LRRC69: variants seen among roughly 807,000 people sequenced by gnomAD.
LRRC69 encodes the protein leucine rich repeat containing 69, also known as leucine-rich repeat-containing protein 69.
Under a neutral mutation model 37.8 loss-of-function variants are expected in LRRC69, and 42 were observed. That is an observed-to-expected ratio of 1.11 (90% CI 0.87 to 1.44). The LOEUF is 1.44. Ranked by LOEUF, LRRC69 falls within the 40% of genes most tolerant of loss-of-function variation. The probability of loss-of-function intolerance (pLI) is 0.00; values close to 1 mark genes in which losing one functional copy is unlikely to be tolerated. For synonymous variants in LRRC69, 141 were observed against 143.1 expected (o/e 0.99, Z 0.11); for missense variants, 357 against 401.9 (o/e 0.89, Z 0.96).
intron 4 of LRRC69, among the ~76,000 whole-genome samples, chr8:91,134,543 G>T (rs1009168777): frequency 6.9e-4 from 105 of 151,812 alleles, no homozygotes; most frequent in African/African-American, 2.3e-3. Context: ...CAGTGAACAT[G>T]TATCTTTCCC....
At chr8:91,206,865 G>A (rs1809814830) in intron 7 of LRRC69, 2 of 1,285,242 alleles carry the variant, frequency 1.6e-6, no homozygotes, top group Non-Finnish European at 2.0e-6. Context: ...GCCAATTTCA[G>A]AAAGCTGCCA....
intron 3 of LRRC69, among the ~76,000 whole-genome samples, chr8:91,128,145 C>T (rs1434403310): frequency 1.3e-5 from 2 of 151,798 alleles, no homozygotes; most frequent in Non-Finnish European, 2.9e-5. Flanking sequence ...TTAAAAATCC[C>T]TTGGGAGATC....
chr8:91,189,490 T>C (rs1295243746), intron 5 of LRRC69, 32 bp from the exon 6 acceptor site: 2 of 1,343,840 alleles, frequency 1.5e-6, no homozygotes, highest in African/African-American at 2.9e-5. Context: ...ATTATTTTGT[T>C]GTGCAATAAG....
chr8:91,179,952 G>T (rs1292528376), intron 5 of LRRC69, among the ~76,000 whole-genome samples: 1 of 152,140 alleles, frequency 6.6e-6, no homozygotes, highest in Admixed American at 6.5e-5. Context: ...GCTTTTGAAA[G>T]CAGGAACCAG....
intron 1 of LRRC69, among the ~76,000 whole-genome samples, chr8:91,108,666 G>A (rs1054031616): frequency 6.6e-6 from 1 of 151,996 alleles, no homozygotes; most frequent in African/African-American, 2.4e-5. Flanking sequence ...GGCCCAGGAC[G>A]GCTTTGAATG....
At chr8:91,163,635 G>C (rs1164428533) in intron 5 of LRRC69, among the ~76,000 whole-genome samples, 1 of 151,234 alleles carries the variant, frequency 6.6e-6, no homozygotes, top group African/African-American at 2.4e-5. Context: ...AGAAGACTTT[G>C]TGTTCTTTCT....
chr8:91,196,577 T>C lies in LRRC69; in HGVS notation c.754-4036T>C, dbSNP rs368833273. ...TCTTTTTTCTCTAAACTTCCCTTCT[T>C]GCTTCATTTCATTCATTTCATCTTC... is the stretch of plus-strand genomic sequence containing the variant. On this transcript the variant is annotated intron_variant, in intron 6 of 7. Transcript: ENST00000448384. 9.9e-5 allele frequency among the ~76,000 whole-genome samples: 15 copies of C among 152,272 alleles called. No individual in the cohort carries two copies. The South Asian group carries it at 1.2e-3, about 13-fold the overall frequency.
chr8:91,206,638 T>C (rs1809809924), intron 7 of LRRC69: 2 of 1,271,084 alleles, frequency 1.6e-6, no homozygotes, highest in African/African-American at 3.1e-5. Context: ...TCTGACAGAT[T>C]CCCTCTCAAA....
At chr8:91,176,910 C>T (rs1809241310) in intron 5 of LRRC69, among the ~76,000 whole-genome samples, 1 of 146,182 alleles carries the variant, frequency 6.8e-6, no homozygotes, top group South Asian at 2.1e-4. Flanking sequence ...TACGCCATGG[C>T]CCAGTGAAGT....
chr8:91,145,805 G>A (rs956279267), intron 5 of LRRC69, among the ~76,000 whole-genome samples: 1 of 151,752 alleles, frequency 6.6e-6, no homozygotes, highest in African/African-American at 2.4e-5. Flanking sequence ...TTCTTATATG[G>A]GGGTGGGTGA....
intron 5 of LRRC69, chr8:91,157,597 C>T (rs1345972137): frequency 1.3e-6 from 2 of 1,548,836 alleles, no homozygotes; most frequent in East Asian, 2.2e-5. Context: ...TGCACCTGAT[C>T]AGGTGGATAA....
intron 1 of LRRC69, among the ~76,000 whole-genome samples, chr8:91,111,467 G>T (rs1366048530): frequency 6.6e-6 from 1 of 152,016 alleles, no homozygotes; most frequent in Non-Finnish European, 1.5e-5. Flanking sequence ...TCAGAGGGTG[G>T]AGGTTGTAGT....
chr8:91,106,229 G>A (rs1466985039), intron 1 of LRRC69, among the ~76,000 whole-genome samples: 1 of 152,040 alleles, frequency 6.6e-6, no homozygotes, highest in East Asian at 1.9e-4. Flanking sequence ...TATCAGTAAT[G>A]TTTAAAGCTA....
chr8:91,210,999 A>G (rs901616812), intron 7 of LRRC69, among the ~76,000 whole-genome samples: 41 of 152,166 alleles, frequency 2.7e-4, no homozygotes, highest in Non-Finnish European at 4.7e-4. Flanking sequence ...TGAAATGTTA[A>G]GAAAAGAGAG....
chr8:91,202,226 A>C (rs1357389332), intron 7 of LRRC69, among the ~76,000 whole-genome samples: 1 of 151,258 alleles, frequency 6.6e-6, no homozygotes, highest in Admixed American at 6.6e-5. Context: ...AAAAACAAAA[A>C]CAAAAACACA....
At chr8:91,160,049 C>G (rs73697122) in intron 5 of LRRC69, among the ~76,000 whole-genome samples, 2,948 of 151,214 alleles carry the variant, frequency 0.019, 82 homozygotes, top group African/African-American at 0.067. Context: ...TGTGTTTGCC[C>G]TCTTTAATTT....
chr8:91,194,684 G>A (rs1029117229), intron 6 of LRRC69, among the ~76,000 whole-genome samples: 23 of 151,970 alleles, frequency 1.5e-4, no homozygotes, highest in Admixed American at 2.6e-4. Flanking sequence ...CTGTGGGATC[G>A]GTGATGATAT....
chr8:91,180,405 G>T (rs1809304300), intron 5 of LRRC69, among the ~76,000 whole-genome samples: 1 of 152,132 alleles, frequency 6.6e-6, no homozygotes, highest in Admixed American at 6.6e-5. Flanking sequence ...GCTTCCCCCA[G>T]AGTAAGTGAC....
At chr8:91,173,955 A>G (rs934738613) in intron 5 of LRRC69, among the ~76,000 whole-genome samples, 1 of 127,722 alleles carries the variant, frequency 7.8e-6, no homozygotes, top group African/African-American at 2.7e-5. Flanking sequence ...AGAAAAAACA[A>G]AAGCTGATCC....
Sources: allele counts gnomAD v4.1 joint callset (sites outside exome capture counted in the v4.1 genomes callset), GRCh38; gene constraint gnomAD v4.1.1; transcripts MANE v1.5; gene names NCBI Gene and HGNC (gene_info 2026-07-23, HGNC 2026-07-21).